Variants in C12orf42 observed in about 807,000 individuals in gnomAD.
The protein encoded by C12orf42 is chromosome 12 open reading frame 42, also known as uncharacterized protein C12orf42.
C12orf42 carries 25 observed loss-of-function variants against 21.6 expected under a neutral mutation model. The ratio of observed to expected loss-of-function variants is 1.16; its 90% confidence interval spans 0.84 to 1.62. C12orf42 has a LOEUF of 1.62. Ranked by LOEUF, C12orf42 falls within the 40% of genes most tolerant of loss-of-function variation. The pLI is 0.00. For missense variants in C12orf42, 483 were observed against 459.3 expected (o/e 1.05, Z -0.47); for synonymous variants, 174 against 175.0 (o/e 0.99, Z 0.05).
In C12orf42 at chr12:103,302,464, C is replaced by G. The variant is rs749924238; in HGVS notation, c.727G>C (p.Glu243Gln). Residue 243 changes from glutamate to glutamine, a missense_variant, in exon 6 of 6, where the codon GAG becomes CAG. Physicochemically the swap from Glu to Gln is conservative, Grantham distance 29 (BLOSUM62 2). Transcript: ENST00000548883. ...QSTGPSNTELEPEERMAVPAG... is the reference protein window; with the variant it reads ...QSTGPSNTELQPEERMAVPAG... ...GGGACTGCCATCCTCTCCTCCGGCT[C>G]GAGCTCTGTGTTACTCGGGCCGGTG... 2.5e-6 allele frequency: 4 copies of G among 1,613,762 alleles called. No individual in the cohort carries two copies. The highest frequency in any genetic ancestry group is 2.2e-5 in the East Asian group (1 of 44,836).
chr12:103,168,842 G>T, the C12orf42 span, among the ~76,000 whole-genome samples: 1 of 152,058 alleles, frequency 6.6e-6, no homozygotes, highest in Non-Finnish European at 1.5e-5. Flanking sequence ...AAAAAAGAAT[G>T]AGTTCATGTC....
intron 3 of C12orf42, among the ~76,000 whole-genome samples, chr12:103,387,065 C>G (rs181796688): frequency 1.3e-5 from 2 of 152,164 alleles, no homozygotes; most frequent in African/African-American, 2.4e-5. Context: ...ACTTCTAGTG[C>G]GAAAGGGGAG....
intron 4 of C12orf42, among the ~76,000 whole-genome samples, chr12:103,335,318 T>G (rs1021055702): frequency 5.3e-5 from 8 of 152,136 alleles, no homozygotes; most frequent in Admixed American, 3.9e-4. Context: ...AACACTTACC[T>G]CCACACTCCA....
the C12orf42 span, among the ~76,000 whole-genome samples, chr12:103,169,295 C>G: frequency 6.6e-6 from 1 of 152,000 alleles, no homozygotes; most frequent in Non-Finnish European, 1.5e-5. Context: ...AAATCAGACA[C>G]TGCCTCCTCA....
At chr12:103,497,394 A>C (rs1007113164), upstream of C12orf42, among the ~76,000 whole-genome samples, 4 of 152,236 alleles carry the variant, frequency 2.6e-5, no homozygotes, top group African/African-American at 9.6e-5. Flanking sequence ...ATTCCAACTT[A>C]GAGAAGGGAT....
chr12:103,488,103 CTTTCCATG>C (rs1954956760), intron 1 of C12orf42, among the ~76,000 whole-genome samples: 1 of 152,158 alleles, frequency 6.6e-6, no homozygotes, highest in Non-Finnish European at 1.5e-5. Flanking sequence ...CTGGCTGTTC[CTTTCCATG>C]TATAGTGCTT....
At position 103,310,273 on chromosome 12, in the gene C12orf42, C is replaced by CTCTCTG. The variant is rs1555252405; in HGVS notation, c.260-3929_260-3928insCAGAGA. Reference sequence around the variant, plus strand: ...TCCCCTACTCTCTCTCTCTCTCTCTCTGTGTCTCTCCCTCTCACTTGCTCC... The same window carrying CTCTCTG: ...TCCCCTACTCTCTCTCTCTCTCTCTCTCTCTGTGTGTCTCTCCCTCTCACTTGCTCC... On this transcript the variant is annotated intron_variant, in intron 4 of 5. Coordinates refer to ENST00000548883, the MANE Select transcript of C12orf42 (RefSeq NM_198521.5). Among the ~76,000 whole-genome samples the CTCTCTG allele has an allele frequency of 1.2e-3, 176 of 152,156 alleles. 1 individual carries two copies. Among genetic ancestry groups the CTCTCTG allele is most frequent in the African/African-American group, 4.1e-3 (171 of 41,498 alleles).
intron 5 of C12orf42, among the ~76,000 whole-genome samples, chr12:103,303,010 C>T (rs1282251788): frequency 6.6e-6 from 1 of 152,180 alleles, no homozygotes; most frequent in East Asian, 1.9e-4. Flanking sequence ...AGGCTGTCAA[C>T]TGATGATTTT....
At chr12:103,477,151 C>T (rs546840864) in intron 2 of C12orf42, 11 of 152,392 alleles carry the variant, frequency 7.2e-5, no homozygotes, top group Non-Finnish European at 1.2e-4. Context: ...AAGGAGCTTA[C>T]TTTTCAGAAG....
intron 4 of C12orf42, among the ~76,000 whole-genome samples, chr12:103,354,773 G>A (rs1162770819): frequency 6.6e-6 from 1 of 152,006 alleles, no homozygotes; most frequent in Non-Finnish European, 1.5e-5. Flanking sequence ...GCCTAGGCTG[G>A]TCTCAAATTC....
chr12:103,507,990 T>C, the C12orf42 span, among the ~76,000 whole-genome samples: 1 of 152,148 alleles, frequency 6.6e-6, no homozygotes, highest in Non-Finnish European at 1.5e-5. Flanking sequence ...GGGCATTGGA[T>C]GCAGGGGAAT....
the C12orf42 span, among the ~76,000 whole-genome samples, chr12:103,158,688 G>A: frequency 5.3e-5 from 8 of 152,030 alleles, no homozygotes; most frequent in African/African-American, 9.7e-5. Flanking sequence ...AGACCAGCCC[G>A]GCCAACATGG....
chr12:103,291,262 G>C (rs1276394815), intron 4 of C12orf42, among the ~76,000 whole-genome samples: 1 of 152,140 alleles, frequency 6.6e-6, no homozygotes, highest in Non-Finnish European at 1.5e-5. Flanking sequence ...TGTGACTTTG[G>C]ACAAGTAACC....
intron 2 of C12orf42, among the ~76,000 whole-genome samples, chr12:103,470,007 A>C (rs1042439156): frequency 6.6e-6 from 1 of 152,222 alleles, no homozygotes; most frequent in African/African-American, 2.4e-5. Flanking sequence ...AAGTGACTTC[A>C]AAGAGCATGG....
chr12:103,559,853 T>C, the C12orf42 span: 1 of 152,212 alleles, frequency 6.6e-6, no homozygotes, highest in East Asian at 1.9e-4. Flanking sequence ...CTCAGCTTTA[T>C]GTTACATCTT....
chr12:103,231,215 C>A, the C12orf42 span, among the ~76,000 whole-genome samples: 1 of 152,174 alleles, frequency 6.6e-6, no homozygotes, highest in Admixed American at 6.5e-5. Context: ...TCCCATATAT[C>A]CCTGCCTTCA....
At chr12:103,171,202 C>A in the C12orf42 span, among the ~76,000 whole-genome samples, 9 of 152,240 alleles carry the variant, frequency 5.9e-5, no homozygotes, top group East Asian at 1.9e-4. Context: ...TACTATCTAT[C>A]CACTGACCCT....
intron 3 of C12orf42, among the ~76,000 whole-genome samples, chr12:103,379,901 T>A (rs1025272026): frequency 6.6e-6 from 1 of 152,218 alleles, no homozygotes; most frequent in Non-Finnish European, 1.5e-5. Context: ...TCGAGCACCA[T>A]GGATTTAAGC....
the C12orf42 span, among the ~76,000 whole-genome samples, chr12:103,183,001 T>G: frequency 6.6e-6 from 1 of 152,242 alleles, no homozygotes; most frequent in African/African-American, 2.4e-5. Context: ...AGGGTGCCCT[T>G]TTATAATAAT....
Sources: allele counts gnomAD v4.1 joint callset (sites outside exome capture counted in the v4.1 genomes callset), GRCh38; gene constraint gnomAD v4.1.1; transcripts MANE v1.5; gene names NCBI Gene and HGNC (gene_info 2026-07-23, HGNC 2026-07-21).